The following MMP10 variants were observed in gnomAD, a reference collection of about 807,000 sequenced individuals.
MMP10 encodes the protein stromelysin-2.
MMP10 carries 50 observed loss-of-function variants against 49.1 expected under a neutral mutation model. The observed-to-expected ratio is 1.02, with a 90% CI of 0.81 to 1.29. MMP10 has a LOEUF of 1.29. MMP10 is among the 50% of genes most tolerant of loss of function. The pLI, the probability that MMP10 is intolerant of heterozygous loss-of-function variation, is 0.00. For missense variants in MMP10, 613 were observed against 563.8 expected (o/e 1.09, Z -0.88); for synonymous variants, 229 against 201.6 (o/e 1.14, Z -1.15).
Position 102,772,939 on chromosome 11 carries a change from C to T in MMP10, c.1134G>A (p.Leu378=), listed in dbSNP as rs1861988942. 10 of 1,613,618 alleles carry T rather than the reference C, an allele frequency of 6.2e-6. No homozygotes were observed. The highest frequency in any genetic ancestry group is 8.5e-6 in the Non-Finnish European group (10 of 1,179,788). Residue 378 remains leucine, a synonymous_variant, in exon 8 of 10, where the codon CTG becomes CTA. Coordinates refer to ENST00000279441, the MANE Select transcript of MMP10 (RefSeq NM_002425.3). This position sits in a 1 kb window ranked among gnomAD's most constrained non-coding sequence, Gnocchi z 4.4. The stretch of plus-strand genomic sequence containing the variant: ...TTTTCCTTATGGTTGGAGGAAAACC[C>T]AGGGTATGGATGCCTCTTGGATAAC... ...QAGYPRGIHT[L]GFPPTIRKID... is the part of the protein sequence containing the mutation.
rs1861984930 is a variant in MMP10, at chr11:102,772,479, T to A, written c.1227-364A>T. 6.6e-6 allele frequency among the ~76,000 whole-genome samples: 1 copy of A among 152,196 alleles called. No homozygotes were observed. Among genetic ancestry groups the A allele is most frequent in the African/African-American group, 2.4e-5 (1 of 41,450 alleles). On this transcript the variant is annotated intron_variant, in intron 8 of 9. Coordinates refer to ENST00000279441, the MANE Select transcript of MMP10 (RefSeq NM_002425.3). The surrounding 1 kb of genome is among the most constrained non-coding windows in gnomAD (Gnocchi z 4.4). ...CATAATGCAAAATTAATTAAATCAC[T>A]TAGCTAAAAATAAACCTCTGGTTCT...
At position 102,770,783 on chromosome 11, in the gene MMP10, C is replaced by T. The variant is rs1443569995; in HGVS notation, c.*10G>A. ...TAAAAACACCCATATCTGTCTTCCC[C>T]CTATCTCGCCTAGCAATGTAACCAG... On this transcript the variant is annotated 3_prime_UTR_variant, in exon 10 of 10. Transcript: ENST00000279441. 16 of 1,556,572 alleles carry T rather than the reference C, an allele frequency of 1.0e-5. No homozygotes were observed. The highest frequency in any genetic ancestry group is 1.4e-5 in the African/African-American group (1 of 73,280).
chr11:102,775,318 A>T lies in MMP10; in HGVS notation c.936T>A (p.Tyr312Ter). ...GGTTCCAGTGGGATCTTCGCCAAAA[A>T]TATCTGTAATACATAAAATTACTTG... is the stretch of plus-strand genomic sequence containing the variant. The part of the protein sequence containing the change: ...RGEYLFFKDR[Y>*]FWRRSHWNPE... The change falls in exon 7 of 10, where the codon TAT (tyrosine) becomes TAA (stop). Residue 312 changes from tyrosine to a stop codon, truncating the protein, a stop_gained. Coordinates refer to ENST00000279441, the MANE Select transcript of MMP10 (RefSeq NM_002425.3). LOFTEE classifies it high-confidence loss of function. The T allele has an allele frequency of 1.2e-6, 2 of 1,602,962 alleles. No individual in the cohort carries two copies. The highest frequency in any genetic ancestry group is 1.7e-6 in the Non-Finnish European group (2 of 1,175,108).
Position 102,779,253 on chromosome 11 carries a change from A to C in MMP10, c.456T>G (p.Tyr152Ter), listed in dbSNP as rs1358829163. The change falls in exon 3 of 10, where the codon TAT becomes TAG. Residue 152 changes from tyrosine to a stop codon, truncating the protein, a stop_gained. Transcript: ENST00000279441. LOFTEE classifies it high-confidence loss of function. ...AGATCATTATATCAGCCTCTCCTTCATACAGCCTGGAGAATGTGAGTGGAG... is the reference window on the plus strand; with the variant it reads ...AGATCATTATATCAGCCTCTCCTTCCTACAGCCTGGAGAATGTGAGTGGAG... The part of the protein sequence containing the change: ...EVTPLTFSRL[Y>*]EGEADIMISF... The C allele has an allele frequency of 1.9e-6, 3 of 1,613,880 alleles. No homozygotes were observed. The highest frequency in any genetic ancestry group is 2.7e-5 in the African/African-American group (2 of 74,930).
At chr11:102,779,470 TC>T in intron 2 of MMP10, 33 bp downstream of exon 2, 2 of 1,612,100 alleles carry the variant, frequency 1.2e-6, no homozygotes, top group Non-Finnish European at 1.7e-6. Context: ...TTATAAGGTT[TC>T]AATATTATGT....
chr11:102,770,950 A>G, intron 9 of MMP10, 57 bp from the exon 10 acceptor site: 1 of 1,154,354 alleles, frequency 8.7e-7, no homozygotes, highest in Non-Finnish European at 1.3e-6. Flanking sequence ...ATTTTGCAAC[A>G]CATATAACTT....
chr11:102,780,604 T>G lies in MMP10; in HGVS notation c.-13A>C. ...CAAGATGCATCATTCTCACTGCCCTTACCTTCTTTGTCTACTGGGCTTCTA... is the reference window on the plus strand; with the variant it reads ...CAAGATGCATCATTCTCACTGCCCTGACCTTCTTTGTCTACTGGGCTTCTA... On this transcript the variant is annotated 5_prime_UTR_variant, in exon 1 of 10. Transcript: ENST00000279441. 6.2e-7 allele frequency: 1 copy of G among 1,611,344 alleles called. No homozygotes were observed. Among genetic ancestry groups the G allele is most frequent in the Non-Finnish European group, 8.5e-7 (1 of 1,178,360 alleles).
chr11:102,776,285 T>G lies in MMP10; in HGVS notation c.927A>C (p.Lys309Asn). 1.2e-6 allele frequency: 2 copies of G among 1,613,352 alleles called. No individual in the cohort carries two copies. The highest frequency in any genetic ancestry group is 1.7e-6 in the Non-Finnish European group (2 of 1,179,674). Residue 309 changes from lysine to asparagine, a missense_variant, in exon 6 of 10, where the codon AAA (lysine) becomes AAC (asparagine). Transcript: ENST00000279441. The part of the protein sequence containing the change: ...STLRGEYLFF[K>N]DRYFWRRSHW... ...ATATAATTTTCTGGTCTGACCTGTCTTTAAAGAACAGATATTCTCCCCTCA... is the reference window on the plus strand; with the variant it reads ...ATATAATTTTCTGGTCTGACCTGTCGTTAAAGAACAGATATTCTCCCCTCA...
At chr11:102,773,054 T>TA (rs1179674142) in intron 7 of MMP10, 48 bp from the exon 8 acceptor site, 1 of 1,536,386 alleles carries the variant, frequency 6.5e-7, no homozygotes, top group Admixed American at 2.1e-5. Context: ...CCATTGATTT[T>TA]AAAAATAATT....
intron 7 of MMP10, among the ~76,000 whole-genome samples, chr11:102,774,147 A>C (rs1861999867): frequency 6.6e-6 from 1 of 152,202 alleles, no homozygotes; most frequent in Admixed American, 6.5e-5. Flanking sequence ...AAAAATGAGA[A>C]ATTAAAGAAT....
intron 7 of MMP10, 107 bp from the exon 8 acceptor site, chr11:102,773,113 T>C: frequency 9.8e-7 from 1 of 1,019,836 alleles, no homozygotes; most frequent in Non-Finnish European, 1.4e-6. Context: ...AATTCCAACC[T>C]AATAATGTCC....
intron 7 of MMP10, among the ~76,000 whole-genome samples, chr11:102,773,358 T>G (rs552921701): frequency 1.3e-5 from 2 of 152,354 alleles, no homozygotes; most frequent in South Asian, 4.1e-4. Context: ...ATAGATCAGT[T>G]GCTTATTGGA....
chr11:102,776,444 G>T lies in MMP10; in HGVS notation c.788-20C>A. ...GAGGTCCTAAAGGAAACAGATTTGG[G>T]GATGCAAACATTAAAAAAAAATGTG... On this transcript the variant is annotated intron_variant, in intron 5 of 9. Coordinates refer to ENST00000279441, the MANE Select transcript of MMP10 (RefSeq NM_002425.3). 3.7e-6 allele frequency: 6 copies of T among 1,605,072 alleles called. No individual in the cohort carries two copies. The East Asian group carries it at 1.1e-4, about 30-fold the overall frequency.
At chr11:102,778,574 G>A (rs1408412816) in intron 4 of MMP10, 50 bp downstream of exon 4, 1 of 1,590,802 alleles carries the variant, frequency 6.3e-7, no homozygotes, top group Admixed American at 1.9e-5. Flanking sequence ...TTATTTTTGG[G>A]TAGGATTGGA....
chr11:102,779,417 T>C, intron 2 of MMP10, 56 bp from the exon 3 acceptor site: 1 of 1,608,796 alleles, frequency 6.2e-7, no homozygotes, highest in Non-Finnish European at 8.5e-7. Flanking sequence ...TGAAAAATTG[T>C]TAAAGAAAAC....
intron 7 of MMP10, among the ~76,000 whole-genome samples, chr11:102,773,808 C>T (rs1490186419): frequency 6.6e-6 from 1 of 152,208 alleles, no homozygotes; most frequent in Non-Finnish European, 1.5e-5. Context: ...TCCCATGGCA[C>T]CCTTCCTTCT....
chr11:102,779,849 G>T (rs915836431), intron 1 of MMP10, 104 bp from the exon 2 acceptor site: 24 of 1,298,816 alleles, frequency 1.8e-5, no homozygotes, highest in Non-Finnish European at 2.3e-5. Flanking sequence ...AACAAAAGAG[G>T]CTATCACATT....
At chr11:102,776,484 T>C (rs770044662) in intron 5 of MMP10, 60 bp from the exon 6 acceptor site, 19 of 1,593,672 alleles carry the variant, frequency 1.2e-5, no homozygotes, top group Non-Finnish European at 1.6e-5. Context: ...ATCTGTCAAT[T>C]TGTGTGCCTT....
chr11:102,770,659 C>G lies in MMP10; in HGVS notation c.*134G>C, dbSNP rs1861966421. The G allele has an allele frequency of 1.8e-6, 1 of 557,938 alleles. No homozygotes were observed. Among genetic ancestry groups the G allele is most frequent in the Non-Finnish European group, 3.1e-6 (1 of 319,290 alleles). 34.6% of individuals were successfully genotyped at this position (557,938 alleles called of 1,614,324 possible). ...CCAGAAACATTCTTCATGACACATG[C>G]AGATATCTGCAAGGCTCATCTTCTT... On this transcript the variant is annotated 3_prime_UTR_variant, in exon 10 of 10. Coordinates refer to ENST00000279441, the MANE Select transcript of MMP10 (RefSeq NM_002425.3).
Sources: gnomAD v4.1 joint callset for allele counts (sites outside exome capture counted in the v4.1 genomes callset) on GRCh38, gnomAD v4.1.1 for gene constraint, Gnocchi (gnomAD v3.1) non-coding constraint, MANE v1.5 for transcripts, NCBI Gene and HGNC (gene_info 2026-07-23, HGNC 2026-07-21) for gene names.